The following CUX1 variants were observed in gnomAD, a reference collection of about 807,000 sequenced individuals.
The protein encoded by CUX1 is protein CASP.
A neutral mutation model predicts 158.8 loss-of-function variants in CUX1; 31 were observed. The ratio of observed to expected loss-of-function variants is 0.20; its 90% CI spans 0.15 to 0.26. The LOEUF (loss-of-function observed/expected upper bound fraction) is 0.26, where lower values mean the gene tolerates loss of function less well. Ranked by LOEUF, CUX1 falls within the 10% of genes least tolerant of loss-of-function variation. The pLI, the probability that CUX1 is intolerant of heterozygous loss-of-function variation, is 1.00. For missense variants in CUX1, 1,589 were observed against 2,014.6 expected, an observed-to-expected ratio of 0.79 and a Z score of 4.04; for synonymous variants, 879 against 862.1, an observed-to-expected ratio of 1.02 and a Z score of -0.34.
intron 13 of CUX1, among the ~76,000 whole-genome samples, chr7:102,194,457 A>G (rs1554517753): frequency 6.6e-6 from 1 of 150,646 alleles, no homozygotes; most frequent in Admixed American, 6.6e-5. Flanking sequence ...AAAAATAGCC[A>G]AGTACTGTGA....
intron 2 of CUX1, among the ~76,000 whole-genome samples, chr7:102,001,494 C>G (rs1401172584): frequency 6.6e-6 from 1 of 152,092 alleles, no homozygotes; most frequent in African/African-American, 2.4e-5. Flanking sequence ...CAGGTGCCCT[C>G]CATCACACCA....
At chr7:101,996,695 CGT>C (rs769169143) in intron 2 of CUX1, among the ~76,000 whole-genome samples, 126 of 148,670 alleles carry the variant, frequency 8.5e-4, no homozygotes, top group South Asian at 6.6e-3. Flanking sequence ...TCCTTCCCTC[CGT>C]CTTTTTCCTT....
At chr7:102,120,206 G>T (rs1831884476) in intron 8 of CUX1, among the ~76,000 whole-genome samples, 1 of 151,952 alleles carries the variant, frequency 6.6e-6, no homozygotes, top group Non-Finnish European at 1.5e-5. Context: ...AGCGGCTAGT[G>T]TTCTGGGCAA....
intron 2 of CUX1, among the ~76,000 whole-genome samples, chr7:101,951,928 CT>C (rs903880678): frequency 3.3e-5 from 5 of 152,238 alleles, no homozygotes; most frequent in Non-Finnish European, 7.3e-5. Context: ...CTCAACTCTG[CT>C]GTAAAGTAGC....
chr7:102,282,220 G>A (rs1792129338), intron 21 of CUX1, among the ~76,000 whole-genome samples: 1 of 152,194 alleles, frequency 6.6e-6, no homozygotes, highest in Non-Finnish European at 1.5e-5. Context: ...AGTGGGAAGG[G>A]AGCAGGTCTA....
At chr7:101,892,410 T>G (rs1041556891) in intron 1 of CUX1, among the ~76,000 whole-genome samples, 2 of 152,198 alleles carry the variant, frequency 1.3e-5, no homozygotes, top group South Asian at 2.1e-4. Flanking sequence ...GTCTTCTGGT[T>G]GTTCCGTTTT....
At chr7:102,183,346 A>G (rs1489584435) in intron 11 of CUX1, among the ~76,000 whole-genome samples, 2 of 151,376 alleles carry the variant, frequency 1.3e-5, no homozygotes, top group Non-Finnish European at 2.9e-5. Flanking sequence ...TTAATGAGCC[A>G]GAGTGGTGGC....
At chr7:101,876,217 C>G (rs1418937067) in intron 1 of CUX1, among the ~76,000 whole-genome samples, 2 of 151,920 alleles carry the variant, frequency 1.3e-5, no homozygotes, top group African/African-American at 4.8e-5. Context: ...TGGTGGCACA[C>G]GCTTGTAGTC....
chr7:102,099,362 C>T (rs1373358346), intron 5 of CUX1, among the ~76,000 whole-genome samples: 1 of 152,140 alleles, frequency 6.6e-6, no homozygotes, highest in East Asian at 1.9e-4. Context: ...GTATTACCTT[C>T]CCTTGTAGGA....
intron 1 of CUX1, among the ~76,000 whole-genome samples, chr7:101,841,548 TTTTATTTA>T (rs528663893): frequency 5.9e-5 from 9 of 151,598 alleles, no homozygotes; most frequent in South Asian, 2.1e-4. Flanking sequence ...TTTTATTTCA[TTTTATTTA>T]TTTATTTATT....
At position 102,252,511 on chromosome 7, in the gene CUX1, T is replaced by C; in HGVS notation, c.*3469T>C. ...CTCCATTATGCCATTTTAAATGGCT[T>C]CTTTTTGTTAATTGGAGGCATTGTT... On this transcript the variant is annotated 3_prime_UTR_variant, in exon 24 of 24. Coordinates refer to ENST00000292535, the MANE Select transcript of CUX1 (RefSeq NM_181552.4). 3.0e-6 allele frequency: 3 copies of C among 985,494 alleles called. No individual in the cohort carries two copies. Among genetic ancestry groups the C allele is most frequent in the Non-Finnish European group, 3.6e-6 (3 of 829,946 alleles). The allele number at this position is 985,494 out of a possible 1,614,324, so 61.0% of individuals were successfully genotyped here.
At chr7:102,034,393 G>A (rs1019579308) in intron 3 of CUX1, among the ~76,000 whole-genome samples, 3 of 152,062 alleles carry the variant, frequency 2.0e-5, no homozygotes, top group African/African-American at 7.2e-5. Context: ...ACTACCAACA[G>A]GCTAGGCATG....
At chr7:102,205,011 C>T in intron 19 of CUX1, 103 bp from the exon 20 acceptor site, 2 of 822,844 alleles carry the variant, frequency 2.4e-6, no homozygotes, top group Non-Finnish European at 4.0e-6. Context: ...CGCCCCTCCC[C>T]AGGAGGAATG....
chr7:102,057,201 G>A (rs1347980398), intron 3 of CUX1, among the ~76,000 whole-genome samples: 4 of 152,082 alleles, frequency 2.6e-5, no homozygotes, highest in East Asian at 3.9e-4. Flanking sequence ...GCGCCTAGCC[G>A]AAAGGTTCTT....
chr7:101,959,124 G>T (rs1368697591), intron 2 of CUX1, among the ~76,000 whole-genome samples: 1 of 151,920 alleles, frequency 6.6e-6, no homozygotes, highest in Non-Finnish European at 1.5e-5. Flanking sequence ...CCTCCCAAAG[G>T]ATTACAGGTG....
At chr7:102,165,427 A>C (rs1010076631) in intron 9 of CUX1, among the ~76,000 whole-genome samples, 2 of 137,576 alleles carry the variant, frequency 1.5e-5, no homozygotes, top group Admixed American at 8.3e-5. Context: ...ATCTTGACTC[A>C]CTGCACCCTC....
chr7:102,126,844 T>C (rs1832689012), intron 8 of CUX1, among the ~76,000 whole-genome samples: 1 of 152,214 alleles, frequency 6.6e-6, no homozygotes. Flanking sequence ...ATTCTACAAC[T>C]CACCATCATG....
chr7:102,258,989 T>C (rs1790175808), downstream of CUX1, among the ~76,000 whole-genome samples: 1 of 152,132 alleles, frequency 6.6e-6, no homozygotes, highest in Non-Finnish European at 1.5e-5. Flanking sequence ...CGTCTTGGGT[T>C]GGAAAAGAGC....
chr7:101,867,404 G>A (rs1798045018), intron 1 of CUX1, among the ~76,000 whole-genome samples: 1 of 152,090 alleles, frequency 6.6e-6, no homozygotes, highest in Non-Finnish European at 1.5e-5. Context: ...TCCCACCAGG[G>A]GCCCACCTGC....
Sources: allele counts gnomAD v4.1 joint callset (sites outside exome capture counted in the v4.1 genomes callset), GRCh38; gene constraint gnomAD v4.1.1; transcripts MANE v1.5; gene names NCBI Gene and HGNC (gene_info 2026-07-23, HGNC 2026-07-21).